The following DTNA variants were observed in gnomAD, a reference collection of about 807,000 sequenced individuals.
DTNA encodes dystrobrevin alpha.
In DTNA, 43 loss-of-function variants were observed where a neutral mutation model predicts 100.7. The ratio of observed to expected loss-of-function variants is 0.43; its 90% CI spans 0.33 to 0.55. The LOEUF is 0.55. Among genes scored for constraint, DTNA ranks in the 20% least tolerant of loss-of-function variants. The pLI, the probability that DTNA is intolerant of heterozygous loss-of-function variation, is 0.04. For missense variants in DTNA, 798 were observed against 953.9 expected (o/e 0.84, Z 2.15); for synonymous variants, 349 against 347.9 (o/e 1.00, Z -0.04).
intron 11 of DTNA, among the ~76,000 whole-genome samples, chr18:34,833,320 A>C (rs2149634079): frequency 6.6e-6 from 1 of 152,144 alleles, no homozygotes; most frequent in Non-Finnish European, 1.5e-5. Flanking sequence ...ATCAGTCGTC[A>C]CCCTTCAAAG....
chr18:34,805,297 T>C (rs942237262), intron 4 of DTNA, among the ~76,000 whole-genome samples: 1 of 152,156 alleles, frequency 6.6e-6, no homozygotes, highest in African/African-American at 2.4e-5. Flanking sequence ...ACTTGTGTCA[T>C]TTGGGTAGAA....
intron 3 of DTNA, among the ~76,000 whole-genome samples, chr18:34,782,151 C>T (rs2148825082): frequency 6.6e-6 from 1 of 152,364 alleles, no homozygotes; most frequent in African/African-American, 2.4e-5. Context: ...AGGTGCCCTA[C>T]TCTATTCCAT....
chr18:34,495,501 G>A (rs2039094612), intron 1 of DTNA, among the ~76,000 whole-genome samples: 1 of 152,156 alleles, frequency 6.6e-6, no homozygotes, highest in Non-Finnish European at 1.5e-5. Flanking sequence ...TCTGTTCTTT[G>A]TTCAGATCAT....
intron 1 of DTNA, among the ~76,000 whole-genome samples, chr18:34,653,919 T>C (rs1331220988): frequency 6.6e-6 from 1 of 152,218 alleles, no homozygotes; most frequent in East Asian, 1.9e-4. Flanking sequence ...CAATACAGTA[T>C]ATGTCTTCAG....
intron 13 of DTNA, among the ~76,000 whole-genome samples, chr18:34,845,722 A>T (rs1000949787): frequency 8.5e-5 from 13 of 152,208 alleles, no homozygotes; most frequent in Admixed American, 2.0e-4. Flanking sequence ...TGTAATAAAG[A>T]ATTTAGTTAT....
intron 1 of DTNA, among the ~76,000 whole-genome samples, chr18:34,600,890 T>C (rs2051669326): frequency 6.6e-6 from 1 of 152,254 alleles, no homozygotes; most frequent in Non-Finnish European, 1.5e-5. Flanking sequence ...GGTTCTTCTC[T>C]ACACAGCTGT....
At chr18:34,842,528 G>A (rs2096287576) in intron 13 of DTNA, among the ~76,000 whole-genome samples, 2 of 152,018 alleles carry the variant, frequency 1.3e-5, no homozygotes, top group Non-Finnish European at 2.9e-5. Flanking sequence ...CTTAGCCCTT[G>A]CCTACTCCTT....
chr18:34,876,244 A>C (rs2096816540), intron 18 of DTNA, among the ~76,000 whole-genome samples: 1 of 152,234 alleles, frequency 6.6e-6, no homozygotes, highest in Admixed American at 6.5e-5. Context: ...TTTTCTTTAA[A>C]TTAGCAATAT....
intron 1 of DTNA, among the ~76,000 whole-genome samples, chr18:34,579,796 T>G (rs1375521161): frequency 1.3e-5 from 2 of 152,188 alleles, no homozygotes; most frequent in African/African-American, 2.4e-5. Flanking sequence ...TAGTTGTTTG[T>G]TTTTGAATTT....
rs2093664998 is a variant in DTNA at position 34,769,725 on chromosome 18, C to CTTTTTTTTTTTTTTGTTTTTTTTTTTTTT, written c.148+3698_148+3699insGTTTTTTTTTTTTTTTTTTTTTTTTTTTT. 3.7e-5 allele frequency among the ~76,000 whole-genome samples: 2 copies of CTTTTTTTTTTTTTTGTTTTTTTTTTTTTT among 53,872 alleles called. 1 individual carries two copies. The highest frequency in any genetic ancestry group is 8.3e-5 in the Non-Finnish European group (2 of 24,128). 35.3% of individuals were successfully genotyped at this position (53,872 alleles called of 152,430 possible). On this transcript the variant is annotated intron_variant, in intron 3 of 22. Transcript: ENST00000444659. Reference sequence around the variant, plus strand: ...GAAGAAGCAAGGCAGCCCTCTGGGGCTTTTTTTTTTTTTTTGACAGAGTTT... The same window carrying CTTTTTTTTTTTTTTGTTTTTTTTTTTTTT: ...GAAGAAGCAAGGCAGCCCTCTGGGGCTTTTTTTTTTTTTTGTTTTTTTTTTTTTTTTTTTTTTTTTTTTTGACAGAGTTT...
chr18:34,881,348 A>T (rs1052555872), intron 20 of DTNA, among the ~76,000 whole-genome samples: 2 of 151,130 alleles, frequency 1.3e-5, no homozygotes, highest in African/African-American at 4.9e-5. Flanking sequence ...TGCATAGTCT[A>T]GGATGAATAG....
Position 34,863,829 on chromosome 18 carries a change from A to G in DTNA, c.1647-137A>G, listed in dbSNP as rs963675635. The G allele has an allele frequency of 7.7e-6, 6 of 775,694 alleles. No homozygotes were observed. The Admixed American group carries it at 8.1e-5, about 10-fold the overall frequency. The allele number at this position is 775,694 out of a possible 1,614,324, so 48.1% of individuals were successfully genotyped here. ...GCTGTAATTGTTCATTCATTTGACA[A>G]CAGTTCCCTGCCTGGTAACCTTGTC... On this transcript the variant is annotated intron_variant, in intron 16 of 22. Transcript: ENST00000444659.
rs2096961929 is a variant in DTNA, at chr18:34,890,999, T to A, written c.*3265T>A. 6.5e-6 allele frequency: 1 copy of A among 152,688 alleles called. No homozygotes were observed. The highest frequency in any genetic ancestry group is 2.4e-5 in the African/African-American group (1 of 41,420). The allele number at this position is 152,688 out of a possible 1,614,324, so 9.5% of individuals were successfully genotyped here. On this transcript the variant is annotated 3_prime_UTR_variant, in exon 23 of 23. Coordinates refer to ENST00000444659, the MANE Select transcript of DTNA (RefSeq NM_001386795.1). Reference sequence around the variant, plus strand: ...CTTTGGTTGCTGCATTCCCCTTGGTTCGATTCCACGCAAGGAGCCACAAGT... The same window carrying A: ...CTTTGGTTGCTGCATTCCCCTTGGTACGATTCCACGCAAGGAGCCACAAGT...
intron 21 of DTNA, among the ~76,000 whole-genome samples, chr18:34,884,333 CCTT>C (rs752486691): frequency 1.3e-5 from 2 of 152,014 alleles, no homozygotes; most frequent in Admixed American, 6.5e-5. Flanking sequence ...AAAAATGTAA[CCTT>C]CTATGAGTAA....
chr18:34,748,876 C>G (rs923315499), intron 1 of DTNA, among the ~76,000 whole-genome samples: 1 of 152,104 alleles, frequency 6.6e-6, no homozygotes, highest in African/African-American at 2.4e-5. Flanking sequence ...TGCATTGAAT[C>G]TGTAGATTTC....
At chr18:34,826,915 A>G (rs866478555) in intron 9 of DTNA, among the ~76,000 whole-genome samples, 18 of 152,328 alleles carry the variant, frequency 1.2e-4, no homozygotes, top group Middle Eastern at 3.4e-3. Context: ...TGGTGTGTAG[A>G]ACCATGAACA....
intron 1 of DTNA, among the ~76,000 whole-genome samples, chr18:34,680,667 A>C (rs2077979035): frequency 6.6e-6 from 1 of 152,170 alleles, no homozygotes; most frequent in Non-Finnish European, 1.5e-5. Context: ...TTGGATTTAG[A>C]ACTAAAATGG....
chr18:34,867,461 T>A, intron 17 of DTNA: 1 of 1,221,842 alleles, frequency 8.2e-7, no homozygotes, highest in Non-Finnish European at 1.0e-6. Flanking sequence ...AATGCATACA[T>A]GGGGTATTGC....
At chr18:34,844,528 C>CT (rs2096339375) in intron 13 of DTNA, among the ~76,000 whole-genome samples, 1 of 123,658 alleles carries the variant, frequency 8.1e-6, no homozygotes. Flanking sequence ...AGAGAATAAT[C>CT]TAATAAAGCA....
Sources: allele counts gnomAD v4.1 joint callset (sites outside exome capture counted in the v4.1 genomes callset), GRCh38; gene constraint gnomAD v4.1.1; transcripts MANE v1.5; gene names NCBI Gene and HGNC (gene_info 2026-07-23, HGNC 2026-07-21).